VPS53: variants seen among roughly 807,000 people sequenced by gnomAD.
VPS53 encodes VPS53 subunit of GARP complex, also known as vacuolar protein sorting-associated protein 53 homolog.
VPS53 carries 70 observed loss-of-function variants against 107.0 expected under a neutral mutation model. That is an observed-to-expected ratio of 0.65 (90% confidence interval 0.54 to 0.80). The LOEUF (loss-of-function observed/expected upper bound fraction) is 0.80, where lower values mean the gene tolerates loss of function less well. Ranked by LOEUF, VPS53 falls within the 30% of genes least tolerant of loss-of-function variation. The pLI is 0.00. For missense variants in VPS53, 917 were observed against 1,049.4 expected (o/e 0.87, Z 1.74); for synonymous variants, 409 against 393.3 (o/e 1.04, Z -0.47).
intron 7 of VPS53, among the ~76,000 whole-genome samples, chr17:650,773 G>T (rs1055270956): frequency 2.6e-5 from 4 of 152,002 alleles, no homozygotes; most frequent in Non-Finnish European, 5.9e-5. Context: ...TGCAAAAGGG[G>T]GCATATTTTA....
intron 14 of VPS53, among the ~76,000 whole-genome samples, chr17:560,922 C>A (rs1912893587): frequency 6.6e-6 from 1 of 152,214 alleles, no homozygotes; most frequent in African/African-American, 2.4e-5. Flanking sequence ...AAGATGGTTA[C>A]CTACCCTGTT....
At chr17:572,430 C>G (rs1290186495) in intron 13 of VPS53, among the ~76,000 whole-genome samples, 4 of 146,352 alleles carry the variant, frequency 2.7e-5, no homozygotes, top group South Asian at 2.2e-4. Context: ...CAGCCCCCCG[C>G]CCGGCCAGCC....
chr17:698,001 C>G (rs528621483), intron 3 of VPS53, among the ~76,000 whole-genome samples: 2 of 152,152 alleles, frequency 1.3e-5, no homozygotes, highest in Non-Finnish European at 2.9e-5. Context: ...CATGGGCCAC[C>G]ACCCAACCCA....
At chr17:575,551 C>A (rs145082587) in intron 13 of VPS53, among the ~76,000 whole-genome samples, 1 of 151,306 alleles carries the variant, frequency 6.6e-6, no homozygotes, top group South Asian at 2.1e-4. Flanking sequence ...CCCAGAGAAT[C>A]TCCCTCAGAA....
At chr17:581,940 T>C (rs2142998088) in intron 13 of VPS53, among the ~76,000 whole-genome samples, 1 of 150,614 alleles carries the variant, frequency 6.6e-6, no homozygotes, top group Admixed American at 6.6e-5. Flanking sequence ...CCTCAATGTG[T>C]TCCCAGAGAC....
chr17:636,485 G>T (rs186015256), intron 7 of VPS53, among the ~76,000 whole-genome samples: 341 of 152,316 alleles, frequency 2.2e-3, no homozygotes, highest in African/African-American at 7.8e-3. Context: ...GGGCATCCCT[G>T]TCTTGTGCCA....
intron 9 of VPS53, 103 bp from the exon 10 acceptor site, chr17:627,419 T>G: frequency 7.6e-7 from 1 of 1,307,338 alleles, no homozygotes; most frequent in South Asian, 1.6e-5. Flanking sequence ...GGAACCAACC[T>G]CTGTATTTCT....
chr17:707,296 C>T (rs985899852), intron 2 of VPS53, among the ~76,000 whole-genome samples: 1 of 151,742 alleles, frequency 6.6e-6, no homozygotes, highest in Non-Finnish European at 1.5e-5. Context: ...CCGAGGCGGG[C>T]GGATCACCTG....
Position 532,529 on chromosome 17 carries a change from GGGTTACAGCGTGA to G in VPS53, c.2085+300_2085+312del, listed in dbSNP as rs377588261. On this transcript the variant is annotated intron_variant, in intron 19 of 21. Coordinates refer to ENST00000437048, the MANE Select transcript of VPS53 (RefSeq NM_001128159.3). The stretch of plus-strand genomic sequence containing the variant: ...CCTGCCCAGGCCTCCCGAAATGCTG[GGGTTACAGCGTGA>G]GCCGCTGTGCCCGGCCCAGCCACTT... 912 of 348,040 alleles carry G rather than the reference GGGTTACAGCGTGA, an allele frequency of 2.6e-3. 8 individuals carry two copies. The highest frequency in any genetic ancestry group is 0.018 in the African/African-American group (849 of 47,094). The allele number at this position is 348,040 out of a possible 1,614,324, so 21.6% of individuals were successfully genotyped here. A position where few individuals can be genotyped will look rare whatever the true frequency, so the allele number is the denominator to read the frequency against.
chr17:536,891 T>G, intron 18 of VPS53, 137 bp downstream of exon 18: 1 of 1,084,448 alleles, frequency 9.2e-7, no homozygotes, highest in Non-Finnish European at 1.3e-6. Flanking sequence ...GGGAAGACTG[T>G]GCATGTTGGG....
chr17:607,892 C>T (rs754263351), intron 11 of VPS53, among the ~76,000 whole-genome samples: 5 of 152,148 alleles, frequency 3.3e-5, no homozygotes, highest in Admixed American at 1.3e-4. Context: ...AGTCTGGCTT[C>T]AGTCAGCAGT....
intron 7 of VPS53, among the ~76,000 whole-genome samples, chr17:646,511 C>CACACCACT (rs1970719046): frequency 7.4e-6 from 1 of 134,952 alleles, no homozygotes; most frequent in Non-Finnish European, 1.6e-5. Flanking sequence ...TTTTCTAATC[C>CACACCACT]GTATCACGGA....
chr17:519,935 A>T lies in VPS53; in HGVS notation c.2224-5T>A. 6.5e-7 allele frequency: 1 copy of T among 1,548,448 alleles called. No individual in the cohort carries two copies. The highest frequency in any genetic ancestry group is 8.7e-7 in the Non-Finnish European group (1 of 1,144,096). ...TTCATGAGGGGCCATCACTACCTAC[A>T]GCGGGAGGAGACAGGAGCAAGCCCC... On this transcript the variant is annotated splice_region_variant and splice_polypyrimidine_tract_variant and intron_variant, in intron 20 of 21. Coordinates refer to ENST00000437048, the MANE Select transcript of VPS53 (RefSeq NM_001128159.3). This position sits in a 1 kb window ranked among gnomAD's most constrained non-coding sequence, Gnocchi z 5.0.
intron 11 of VPS53, among the ~76,000 whole-genome samples, chr17:607,330 A>G (rs1433550777): frequency 6.6e-6 from 1 of 152,218 alleles, no homozygotes; most frequent in African/African-American, 2.4e-5. Context: ...CTAAGTGGAA[A>G]GGCACACGGA....
At chr17:599,163 C>T (rs367862061) in intron 12 of VPS53, among the ~76,000 whole-genome samples, 90 of 112,322 alleles carry the variant, frequency 8.0e-4, no homozygotes, top group Middle Eastern at 5.9e-3. Flanking sequence ...AGCCGCCCCG[C>T]CCGGGAGGTG....
rs35522489 is a variant in VPS53, at chr17:712,177, C to CTT, written c.88-1566_88-1565dup. On this transcript the variant is annotated intron_variant, in intron 1 of 21. Coordinates refer to ENST00000437048, the MANE Select transcript of VPS53 (RefSeq NM_001128159.3). ...TTTTCATGTCTAGAGTGACTTTCGC[C>CTT]TTTTTTTTTTTTTTTTTTTTCGAGA... is the stretch of plus-strand genomic sequence containing the variant. Among the ~76,000 whole-genome samples the CTT allele has an allele frequency of 7.3e-3, 723 of 98,448 alleles. 24 individuals are homozygous for CTT. The highest frequency in any genetic ancestry group is 0.03 in the African/African-American group (672 of 22,768). The allele number at this position is 98,448 out of a possible 152,430, so 64.6% of individuals were successfully genotyped here. A position where few individuals can be genotyped will look rare whatever the true frequency, so the allele number is the denominator to read the frequency against.
At position 512,179 on chromosome 17, in the gene VPS53, C is replaced by T. The variant is rs1368390898; in HGVS notation, c.*6949G>A. 6.6e-6 allele frequency: 1 copy of T among 152,236 alleles called. No homozygotes were observed. The highest frequency in any genetic ancestry group is 6.5e-5 in the Admixed American group (1 of 15,278). 9.4% of individuals were successfully genotyped at this position (152,236 alleles called of 1,614,324 possible). On this transcript the variant is annotated 3_prime_UTR_variant, in exon 22 of 22. Transcript: ENST00000437048. ...GCCGCAGGATTTGTCACCACTCATC[C>T]ATGTTTAAAAAAGCCAGTCCAGGCA...
chr17:552,927 G>C (rs1295533380), intron 16 of VPS53: 5 of 375,864 alleles, frequency 1.3e-5, no homozygotes, highest in African/African-American at 2.2e-5. Context: ...GTATATACGT[G>C]CCGCACGCTG....
rs573533403 is a variant in VPS53, at chr17:639,374, A to G, written c.609-7746T>C. Among the ~76,000 whole-genome samples, 792 of 152,272 alleles carry G rather than the reference A, an allele frequency of 5.2e-3. 6 individuals carry two copies. The highest frequency in any genetic ancestry group is 0.018 in the African/African-American group (758 of 41,556). Reference sequence around the variant, plus strand: ...GTGATGGGTTCAAACTTCCTCCTTTAGCTCAGAGAAGTTTGATCGTCTGAA... The same window carrying G: ...GTGATGGGTTCAAACTTCCTCCTTTGGCTCAGAGAAGTTTGATCGTCTGAA... On this transcript the variant is annotated intron_variant, in intron 7 of 21. Coordinates refer to ENST00000437048, the MANE Select transcript of VPS53 (RefSeq NM_001128159.3).
Sources: gnomAD v4.1 joint callset for allele counts (sites outside exome capture counted in the v4.1 genomes callset) on GRCh38, gnomAD v4.1.1 for gene constraint, Gnocchi (gnomAD v3.1) non-coding constraint, MANE v1.5 for transcripts, NCBI Gene and HGNC (gene_info 2026-07-23, HGNC 2026-07-21) for gene names.